The following ADARB2 variants were observed in gnomAD, a reference collection of about 807,000 sequenced individuals.
The protein encoded by ADARB2 is inactive double-stranded RNA-specific editase B2.
In ADARB2, 25 loss-of-function variants were observed where a neutral mutation model predicts 62.2. The ratio of observed to expected loss-of-function variants is 0.40; its 90% CI spans 0.29 to 0.56. ADARB2 has a LOEUF of 0.56. Among genes scored for constraint, ADARB2 ranks in the 20% least tolerant of loss-of-function variants. ADARB2 has a pLI of 0.43. For synonymous variants in ADARB2, 572 were observed against 500.8 expected, an observed-to-expected ratio of 1.14 and a Z score of -1.90; for missense variants, 1,071 against 1,077.4, an observed-to-expected ratio of 0.99 and a Z score of 0.08.
rs1029680340 is a variant in ADARB2 at position 1,648,523 on chromosome 10, A to G, written c.100+88528T>C. ...CAAAGTAAATCACGTTGTGCTTGGAATCGTCCCTGCCTACGCTCGAGAACT... is the reference window on the plus strand; with the variant it reads ...CAAAGTAAATCACGTTGTGCTTGGAGTCGTCCCTGCCTACGCTCGAGAACT... On this transcript the variant is annotated intron_variant, in intron 1 of 9. Transcript: ENST00000381312. Among the ~76,000 whole-genome samples the G allele has an allele frequency of 4.6e-5, 7 of 152,160 alleles. 1 individual carries two copies. The highest frequency in any genetic ancestry group is 2.6e-4 in the Admixed American group (4 of 15,268).
chr10:1,486,135 C>G (rs761593804), intron 1 of ADARB2, among the ~76,000 whole-genome samples: 23 of 152,044 alleles, frequency 1.5e-4, no homozygotes, highest in Non-Finnish European at 2.8e-4. Context: ...CCAATTATCT[C>G]AAGCTCTACT....
At chr10:1,262,106 C>T (rs1465558783) in intron 4 of ADARB2, among the ~76,000 whole-genome samples, 1 of 125,048 alleles carries the variant, frequency 8.0e-6, no homozygotes, top group Non-Finnish European at 1.5e-5. Flanking sequence ...ATCCCATGGA[C>T]ACAGGAAGGG....
chr10:1,326,224 T>G (rs1307001156), intron 3 of ADARB2, among the ~76,000 whole-genome samples: 1 of 152,198 alleles, frequency 6.6e-6, no homozygotes, highest in Non-Finnish European at 1.5e-5. Flanking sequence ...CTAGGAACTT[T>G]GCAGCACACA....
chr10:1,578,921 C>T (rs1385419534), intron 1 of ADARB2, among the ~76,000 whole-genome samples: 1 of 152,180 alleles, frequency 6.6e-6, no homozygotes, highest in African/African-American at 2.4e-5. Context: ...AGGCTGGGCG[C>T]TGGGGTCTGG....
At chr10:1,510,769 C>T (rs2676197) in intron 1 of ADARB2, among the ~76,000 whole-genome samples, 1,908 of 152,272 alleles carry the variant, frequency 0.013, 53 homozygotes, top group African/African-American at 0.042. Flanking sequence ...GAATCTAGCC[C>T]AAAGCCAGGC....
chr10:1,223,836 T>C (rs1830718927), intron 6 of ADARB2, among the ~76,000 whole-genome samples: 2 of 152,258 alleles, frequency 1.3e-5, no homozygotes, highest in East Asian at 3.8e-4. Context: ...CGTATTTTAT[T>C]GAGAATTTTT....
chr10:1,391,268 A>AC (rs150438004), intron 1 of ADARB2, among the ~76,000 whole-genome samples: 25,620 of 151,090 alleles, frequency 0.17, 2,401 homozygotes, highest in African/African-American at 0.24. Flanking sequence ...GAAGACTGTG[A>AC]CCCCCCCATA....
At chr10:1,512,935 G>A (rs1358023984) in intron 1 of ADARB2, among the ~76,000 whole-genome samples, 5 of 152,220 alleles carry the variant, frequency 3.3e-5, no homozygotes, top group Non-Finnish European at 7.3e-5. Context: ...CTGCCAAGCT[G>A]CTTACTTTAA....
intron 1 of ADARB2, among the ~76,000 whole-genome samples, chr10:1,635,587 A>G (rs1833909268): frequency 6.6e-6 from 1 of 152,140 alleles, no homozygotes; most frequent in Admixed American, 6.5e-5. Flanking sequence ...GCCCACTCTG[A>G]GCTTCCCTCC....
At chr10:1,467,665 G>A (rs549637735) in intron 1 of ADARB2, among the ~76,000 whole-genome samples, 33 of 152,320 alleles carry the variant, frequency 2.2e-4, no homozygotes, top group Admixed American at 6.5e-4. Flanking sequence ...TCCTGGGGGC[G>A]TGGAAGGCAG....
chr10:1,723,696 G>A (rs1035026682), intron 1 of ADARB2, among the ~76,000 whole-genome samples: 9 of 152,112 alleles, frequency 5.9e-5, no homozygotes, highest in Non-Finnish European at 1.5e-5. Context: ...ATGAGAAATG[G>A]GCACCTTCCA....
intron 3 of ADARB2, among the ~76,000 whole-genome samples, chr10:1,318,637 A>C (rs1161951632): frequency 2.0e-5 from 3 of 152,240 alleles, no homozygotes; most frequent in Admixed American, 1.3e-4. Flanking sequence ...ATACTTGCTC[A>C]TTCAACTCAG....
intron 1 of ADARB2, among the ~76,000 whole-genome samples, chr10:1,571,014 G>A (rs1832927139): frequency 6.6e-6 from 1 of 152,148 alleles, no homozygotes; most frequent in Non-Finnish European, 1.5e-5. Context: ...CTGTCATTGG[G>A]TCTTCCAGTT....
chr10:1,503,352 A>ATT (rs532165381), intron 1 of ADARB2, among the ~76,000 whole-genome samples: 249 of 139,904 alleles, frequency 1.8e-3, no homozygotes, highest in Non-Finnish European at 3.0e-3. Flanking sequence ...ATACCCAGCT[A>ATT]TTTTTTTTTT....
chr10:1,365,139 T>C (rs2131851833), intron 2 of ADARB2, among the ~76,000 whole-genome samples: 1 of 152,274 alleles, frequency 6.6e-6, no homozygotes, highest in South Asian at 2.1e-4. Context: ...CCCAAAGTGC[T>C]GGGATTACGG....
chr10:1,327,028 G>C (rs1166791869), intron 3 of ADARB2, among the ~76,000 whole-genome samples: 6 of 50,552 alleles, frequency 1.2e-4, no homozygotes, highest in African/African-American at 5.3e-4. Context: ...ACGGCACAGC[G>C]CCTCCCCACT....
intron 6 of ADARB2, among the ~76,000 whole-genome samples, chr10:1,229,010 T>C (rs1589158319): frequency 6.6e-6 from 1 of 152,288 alleles, no homozygotes; most frequent in East Asian, 1.9e-4. Context: ...CCAGAGTGCA[T>C]GGGGTGAGCT....
intron 3 of ADARB2, among the ~76,000 whole-genome samples, chr10:1,362,604 T>A (rs2131850148): frequency 6.6e-6 from 1 of 152,282 alleles, no homozygotes; most frequent in African/African-American, 2.4e-5. Flanking sequence ...AGGGACCCCG[T>A]CTGGATCCTG....
intron 5 of ADARB2, chr10:1,240,473 AACAG>A (rs1293146063): frequency 1.3e-5 from 2 of 152,032 alleles, no homozygotes; most frequent in Non-Finnish European, 2.9e-5. Context: ...CAGGCAACAG[AACAG>A]ACATTTTCTC....
Sources: gnomAD v4.1 joint callset for allele counts (sites outside exome capture counted in the v4.1 genomes callset) on GRCh38, gnomAD v4.1.1 for gene constraint, MANE v1.5 for transcripts, NCBI Gene and HGNC (gene_info 2026-07-23, HGNC 2026-07-21) for gene names.